TGIF1: variants seen among roughly 807,000 people sequenced by gnomAD.
TGIF1 encodes homeobox protein TGIF1.
A neutral mutation model predicts 19.3 loss-of-function variants in TGIF1; 4 were observed. The observed-to-expected ratio is 0.21, with a 90% confidence interval of 0.10 to 0.47. The LOEUF (loss-of-function observed/expected upper bound fraction) is 0.47. TGIF1 is among the 20% of genes least tolerant of loss of function. The pLI, the probability that TGIF1 is intolerant of heterozygous loss-of-function variation, is 0.98. For synonymous variants in TGIF1, 122 were observed against 129.3 expected (o/e 0.94, Z 0.38); for missense variants, 275 against 341.4 (o/e 0.81, Z 1.53).
At chr18:3,447,426 G>A (rs1456583560), upstream of TGIF1, among the ~76,000 whole-genome samples, 1 of 150,842 alleles carries the variant, frequency 6.6e-6, no homozygotes, top group Admixed American at 6.6e-5. Flanking sequence ...GGGACTGACA[G>A]AGCTAGAAAT....
rs2049461867 is a variant in TGIF1 at position 3,459,683 on chromosome 18, G to A, written c.*1743G>A. 1 of 152,192 alleles carries A rather than the reference G, an allele frequency of 6.6e-6. No individual in the cohort carries two copies. Among genetic ancestry groups the A allele is most frequent in the Non-Finnish European group, 1.5e-5 (1 of 68,032 alleles). 9.4% of individuals were successfully genotyped at this position (152,192 alleles called of 1,614,324 possible). On this transcript the variant is annotated 3_prime_UTR_variant, in exon 3 of 3. Transcript: ENST00000343820. ...GTCCTAAAAGGTTTGCCCTGTTACG[G>A]TGTTTCATCACTCATACTGGAAGGA... is the stretch of plus-strand genomic sequence containing the variant.
intron 2 of TGIF1, among the ~76,000 whole-genome samples, chr18:3,422,760 C>G (rs1055015776): frequency 2.1e-5 from 3 of 146,002 alleles, no homozygotes; most frequent in Non-Finnish European, 3.0e-5. Context: ...GCGTGATCTC[C>G]GCTCACTGCA....
At chr18:3,448,768 CT>C (rs1331943696), upstream of TGIF1, among the ~76,000 whole-genome samples, 1 of 135,198 alleles carries the variant, frequency 7.4e-6, no homozygotes, top group Non-Finnish European at 1.5e-5. Context: ...GCTCTAGTTC[CT>C]GAAACAGACG....
chr18:3,450,571 C>T (rs2082877143), intron 1 of TGIF1, 66 bp downstream of exon 1: 3 of 1,549,252 alleles, frequency 1.9e-6, no homozygotes, highest in South Asian at 1.2e-5. Flanking sequence ...GGCCGGGCCG[C>T]GCCGCGCGGA....
chr18:3,451,756 T>C lies in TGIF1; in HGVS notation c.16+1251T>C. 1 of 1,247,322 alleles carries C rather than the reference T, an allele frequency of 8.0e-7. No individual in the cohort carries two copies. The highest frequency in any genetic ancestry group is 3.7e-5 in the South Asian group (1 of 27,020). 77.3% of individuals were successfully genotyped at this position (1,247,322 alleles called of 1,614,324 possible). On this transcript the variant is annotated intron_variant, in intron 1 of 2. Coordinates refer to ENST00000343820, the MANE Select transcript of TGIF1 (RefSeq NM_003244.4). The surrounding 1 kb of genome is among the most constrained non-coding windows in gnomAD (Gnocchi z 5.4). Reference sequence around the variant, plus strand: ...AGTGAAATTAAACTTGAAACTCGGATCAACTGGCAGTCGTTGTTGGTAGAA... The same window carrying C: ...AGTGAAATTAAACTTGAAACTCGGACCAACTGGCAGTCGTTGTTGGTAGAA...
At chr18:3,452,219 C>T (rs757652544) in intron 1 of TGIF1, 27 of 1,586,726 alleles carry the variant, frequency 1.7e-5, no homozygotes, top group African/African-American at 4.3e-5. Flanking sequence ...CCTCCTGCGC[C>T]CCCCCTCCTC....
chr18:3,446,182 G>GT (rs2082743803), upstream of TGIF1, among the ~76,000 whole-genome samples: 1 of 152,010 alleles, frequency 6.6e-6, no homozygotes, highest in South Asian at 2.1e-4. Flanking sequence ...TTATCTTTCC[G>GT]TTTTTTTGTT....
Position 3,416,836 on chromosome 18 carries a change from C to G in TGIF1, c.-117-1307C>G, listed in dbSNP as rs2082338305. On this transcript the variant is annotated intron_variant, in intron 1 of 3. Coordinates refer to the TGIF1 transcript ENST00000401449. The stretch of plus-strand genomic sequence containing the variant: ...AATCCAACTACTCAGGAGGCTGAGG[C>G]AGGAGAATCGCTTGAACCCAGGAAG... 2.6e-5 allele frequency among the ~76,000 whole-genome samples: 4 copies of G among 151,878 alleles called. No homozygotes were observed. In the South Asian group the frequency reaches 8.3e-4, roughly 31 times the overall value.
At chr18:3,423,970 G>A (rs1372753681) in intron 2 of TGIF1, among the ~76,000 whole-genome samples, 2 of 152,176 alleles carry the variant, frequency 1.3e-5, no homozygotes, top group African/African-American at 4.8e-5. Flanking sequence ...AAAGAGGGCA[G>A]CCACGATGGA....
Position 3,456,659 on chromosome 18 carries a change from A to G in TGIF1, c.243+79A>G, listed in dbSNP as rs1406095579. On this transcript the variant is annotated intron_variant, in intron 2 of 2. Coordinates refer to ENST00000343820, the MANE Select transcript of TGIF1 (RefSeq NM_003244.4). The surrounding 1 kb of genome is among the most constrained non-coding windows in gnomAD (Gnocchi z 4.2). ...TTATGGCATTCCTGTGTGTCAAGTC[A>G]TTAAGCTCCTTGCCACTCAAAGACA... The G allele has an allele frequency of 2.3e-6, 3 of 1,283,370 alleles. No individual in the cohort carries two copies. The highest frequency in any genetic ancestry group is 2.9e-5 in the African/African-American group (2 of 68,702). The allele number at this position is 1,283,370 out of a possible 1,614,324, so 79.5% of individuals were successfully genotyped here.
At chr18:3,453,706 AAAG>A (rs1368939633) in intron 1 of TGIF1, 11 of 699,098 alleles carry the variant, frequency 1.6e-5, no homozygotes, top group South Asian at 6.4e-5. Flanking sequence ...AAAAAAAAAA[AAAG>A]AACGTGCAGG....
chr18:3,449,065 G>A (rs150790646), upstream of TGIF1, among the ~76,000 whole-genome samples: 18 of 152,270 alleles, frequency 1.2e-4, no homozygotes, highest in South Asian at 3.5e-3. Context: ...AGAACCAGAG[G>A]AGGGGGCATG....
Position 3,456,213 on chromosome 18 carries a change from C to A in TGIF1, c.17-141C>A. The A allele has an allele frequency of 1.1e-6, 1 of 876,488 alleles. No individual in the cohort carries two copies. Among genetic ancestry groups the A allele is most frequent in the Non-Finnish European group, 1.9e-6 (1 of 519,368 alleles). The allele number at this position is 876,488 out of a possible 1,614,324, so 54.3% of individuals were successfully genotyped here. A position where few individuals can be genotyped will look rare whatever the true frequency, so the allele number is the denominator to read the frequency against. Reference sequence around the variant, plus strand: ...ACTACTTTTACTTGGACCCTGAATTCAGGACAGAAAACACTGCTCCTTCTC... The same window carrying A: ...ACTACTTTTACTTGGACCCTGAATTAAGGACAGAAAACACTGCTCCTTCTC... On this transcript the variant is annotated intron_variant, in intron 1 of 2. Coordinates refer to ENST00000343820, the MANE Select transcript of TGIF1 (RefSeq NM_003244.4). This position sits in a 1 kb window ranked among gnomAD's most constrained non-coding sequence, Gnocchi z 4.2.
intron 1 of TGIF1, chr18:3,415,152 C>A (rs896027969): frequency 3.5e-5 from 6 of 172,366 alleles, no homozygotes; most frequent in Non-Finnish European, 7.4e-5. Context: ...ACCATGATCC[C>A]GGCTCTGCCT....
chr18:3,420,517 A>C (rs1015571511), intron 2 of TGIF1, among the ~76,000 whole-genome samples: 1 of 152,254 alleles, frequency 6.6e-6, no homozygotes, highest in African/African-American at 2.4e-5. Flanking sequence ...ATCAATGATC[A>C]CTTTAAATGT....
Position 3,456,843 on chromosome 18 carries a change from C to G in TGIF1, c.243+263C>G. 1 of 616,366 alleles carries G rather than the reference C, an allele frequency of 1.6e-6. No homozygotes were observed. Among genetic ancestry groups the G allele is most frequent in the Non-Finnish European group, 2.9e-6 (1 of 349,130 alleles). 38.2% of individuals were successfully genotyped at this position (616,366 alleles called of 1,614,324 possible). On this transcript the variant is annotated intron_variant, in intron 2 of 2. Coordinates refer to ENST00000343820, the MANE Select transcript of TGIF1 (RefSeq NM_003244.4). The surrounding 1 kb of genome is among the most constrained non-coding windows in gnomAD (Gnocchi z 4.2). ...CAACAGACATTAAAAGGAGGTTAAACCTTACTCTATTGTCCAGGAAACTGG... is the reference window on the plus strand; with the variant it reads ...CAACAGACATTAAAAGGAGGTTAAAGCTTACTCTATTGTCCAGGAAACTGG...
chr18:3,417,675 A>T (rs1292097947), intron 1 of TGIF1, among the ~76,000 whole-genome samples: 1 of 152,234 alleles, frequency 6.6e-6, no homozygotes, highest in Non-Finnish European at 1.5e-5. Context: ...ATCACACAAA[A>T]CAAAAATAGA....
At chr18:3,438,961 A>G (rs902164373) in intron 2 of TGIF1, among the ~76,000 whole-genome samples, 4 of 152,348 alleles carry the variant, frequency 2.6e-5, no homozygotes, top group South Asian at 2.1e-4. Flanking sequence ...ATAAATAGCT[A>G]GAAAGAAAAA....
chr18:3,450,452 A>T lies in TGIF1; in HGVS notation c.-38A>T. On this transcript the variant is annotated 5_prime_UTR_variant, in exon 1 of 3. Transcript: ENST00000343820. Reference sequence around the variant, plus strand: ...GTGTCCCCGCTCCTGGCCCCTCCAGACCCCCGCCTTGCCTCGCGCTGGGAG... The same window carrying T: ...GTGTCCCCGCTCCTGGCCCCTCCAGTCCCCCGCCTTGCCTCGCGCTGGGAG... 1 of 1,553,900 alleles carries T rather than the reference A, an allele frequency of 6.4e-7. No individual in the cohort carries two copies. Among genetic ancestry groups the T allele is most frequent in the African/African-American group, 1.4e-5 (1 of 73,214 alleles).
Sources: gnomAD v4.1 joint callset for allele counts (sites outside exome capture counted in the v4.1 genomes callset) on GRCh38, gnomAD v4.1.1 for gene constraint, Gnocchi (gnomAD v3.1) non-coding constraint, MANE v1.5 for transcripts, NCBI Gene and HGNC (gene_info 2026-07-23, HGNC 2026-07-21) for gene names.